ITGAM: variants seen among roughly 807,000 people sequenced by gnomAD.
ITGAM encodes integrin subunit alpha M.
In ITGAM, 79 loss-of-function variants were observed where a neutral mutation model predicts 137.5. The observed-to-expected ratio is 0.57, with a 90% CI of 0.48 to 0.69. ITGAM has a LOEUF of 0.69. Among genes scored for constraint, ITGAM ranks in the 30% least tolerant of loss-of-function variants. The pLI is 0.00. For missense variants in ITGAM, 1,343 were observed against 1,483.5 expected, an observed-to-expected ratio of 0.91 and a Z score of 1.56; for synonymous variants, 583 against 592.3, an observed-to-expected ratio of 0.98 and a Z score of 0.23.
At chr16:31,328,854 G>C (rs540594931) in intron 23 of ITGAM, 1 of 386,368 alleles carries the variant, frequency 2.6e-6, no homozygotes, top group South Asian at 2.5e-5. Flanking sequence ...GTGCATGTGT[G>C]TGAGGGTCTA....
chr16:31,332,001 G>C lies in ITGAM; in HGVS notation c.*294G>C. 2.2e-6 allele frequency: 1 copy of C among 457,998 alleles called. No individual in the cohort carries two copies. Among genetic ancestry groups the C allele is most frequent in the Non-Finnish European group, 3.9e-6 (1 of 255,000 alleles). 28.4% of individuals were successfully genotyped at this position (457,998 alleles called of 1,614,324 possible). ...CGTGTGTCCATGTGTGTGCAAGTGT[G>C]TGCATGTGTGCGAGTGTGTGCATGT... On this transcript the variant is annotated 3_prime_UTR_variant, in exon 30 of 30. Coordinates refer to ENST00000544665, the MANE Select transcript of ITGAM (RefSeq NM_000632.4).
rs1336565805 is a variant in ITGAM, at chr16:31,325,472, C to T, written c.2506-28C>T. On this transcript the variant is annotated intron_variant, in intron 20 of 29. Transcript: ENST00000544665. ...CATCCTCACGGCCGGAGGTGGATAT[C>T]ACCGCCTTTGCCTCCCCTGCCTTCC... is the stretch of plus-strand genomic sequence containing the variant. 6.2e-6 allele frequency: 10 copies of T among 1,613,498 alleles called. No individual in the cohort carries two copies. The South Asian group carries it at 1.1e-4, about 18-fold the overall frequency.
At chr16:31,288,691 A>T (rs533370945) in intron 12 of ITGAM, among the ~76,000 whole-genome samples, 1 of 152,344 alleles carries the variant, frequency 6.6e-6, no homozygotes, top group South Asian at 2.1e-4. Flanking sequence ...TCAGGACATA[A>T]GCATGGTCAA....
chr16:31,329,734 G>A (rs754999555), intron 24 of ITGAM, 64 bp from the exon 25 acceptor site: 224 of 1,409,754 alleles, frequency 1.6e-4, no homozygotes, highest in Non-Finnish European at 6.9e-5. Context: ...GGGGAGGGGA[G>A]GCTGATTCTC....
intron 14 of ITGAM, among the ~76,000 whole-genome samples, chr16:31,302,510 CT>C (rs1266389153): frequency 8.2e-4 from 83 of 101,718 alleles, no homozygotes; most frequent in Admixed American, 4.5e-3. Flanking sequence ...TTCTTTCTTT[CT>C]TTTTTTTCTT....
At chr16:31,306,840 GT>G (rs1247619857) in intron 14 of ITGAM, among the ~76,000 whole-genome samples, 1 of 152,112 alleles carries the variant, frequency 6.6e-6, no homozygotes, top group East Asian at 1.9e-4. Context: ...TTTAAATCAT[GT>G]TTAACAGAGA....
intron 8 of ITGAM, among the ~76,000 whole-genome samples, chr16:31,274,452 C>T (rs781137868): frequency 5.3e-5 from 8 of 152,112 alleles, no homozygotes; most frequent in African/African-American, 7.2e-5. Context: ...TCATCATGAG[C>T]GACTGCGAGG....
At chr16:31,320,207 A>G (rs1405446469) in intron 14 of ITGAM, among the ~76,000 whole-genome samples, 1 of 152,172 alleles carries the variant, frequency 6.6e-6, no homozygotes, top group African/African-American at 2.4e-5. Context: ...TTTTAAGCTG[A>G]TAACAACTGA....
intron 8 of ITGAM, among the ~76,000 whole-genome samples, chr16:31,274,400 G>C (rs568063128): frequency 6.6e-6 from 1 of 152,130 alleles, no homozygotes; most frequent in Admixed American, 6.5e-5. Context: ...GCAAGGCAGA[G>C]TCTTTGATAC....
intron 8 of ITGAM, among the ~76,000 whole-genome samples, chr16:31,274,598 TTTTATTTATTTATA>T (rs1423531548): frequency 3.0e-5 from 4 of 134,920 alleles, no homozygotes; most frequent in Non-Finnish European, 6.0e-5. Context: ...TATTTGTTTA[TTTTATTTATTTATA>T]TTTATTTATT....
intron 12 of ITGAM, among the ~76,000 whole-genome samples, chr16:31,285,649 A>T (rs749199619): frequency 2.0e-5 from 3 of 152,016 alleles, no homozygotes; most frequent in Non-Finnish European, 4.4e-5. Flanking sequence ...TTAAAAAAAA[A>T]ATTTCAAGTT....
At chr16:31,275,314 G>A (rs758803354) in intron 8 of ITGAM, among the ~76,000 whole-genome samples, 3 of 152,200 alleles carry the variant, frequency 2.0e-5, no homozygotes, top group African/African-American at 4.8e-5. Context: ...ACCAGGAGAC[G>A]TGGCACAGCA....
intron 14 of ITGAM, among the ~76,000 whole-genome samples, chr16:31,317,303 G>A (rs1405383468): frequency 6.6e-6 from 1 of 152,098 alleles, no homozygotes; most frequent in African/African-American, 2.4e-5. Flanking sequence ...TTTTAATCAT[G>A]AGTGGCTATT....
At position 31,270,742 on chromosome 16, in the gene ITGAM, T is replaced by TATATATATA. The variant is rs1343169219; in HGVS notation, c.428-210_428-209insATATATAAT. ...ATATATATATATATATATATATATA[T>TATATATATA]ATGTTTTTAACGTGTGTATACATAT... On this transcript the variant is annotated intron_variant, in intron 5 of 29. Transcript: ENST00000544665. Among the ~76,000 whole-genome samples, 233 of 109,850 alleles carry TATATATATA rather than the reference T, an allele frequency of 2.1e-3. 12 individuals carry two copies. The highest frequency in any genetic ancestry group is 8.8e-3 in the African/African-American group (223 of 25,202). 72.1% of individuals were successfully genotyped at this position (109,850 alleles called of 152,430 possible).
chr16:31,310,609 A>C (rs1460499910), intron 14 of ITGAM, among the ~76,000 whole-genome samples: 2 of 151,960 alleles, frequency 1.3e-5, no homozygotes, highest in Non-Finnish European at 2.9e-5. Flanking sequence ...ATTTTTTTTC[A>C]AAGTTTTTAA....
At chr16:31,295,072 A>G (rs564671648) in intron 12 of ITGAM, among the ~76,000 whole-genome samples, 92 of 152,018 alleles carry the variant, frequency 6.1e-4, no homozygotes, top group African/African-American at 2.2e-3. Context: ...GTTCTGTTCC[A>G]TTGGTTGATG....
chr16:31,270,715 A>ACCAC (rs2079825181), intron 5 of ITGAM, among the ~76,000 whole-genome samples: 1 of 100,296 alleles, frequency 1.0e-5, no homozygotes, highest in Non-Finnish European at 2.0e-5. Context: ...ATATATATAT[A>ACCAC]TATATATATA....
chr16:31,315,492 C>T (rs2080381498), intron 14 of ITGAM, among the ~76,000 whole-genome samples: 1 of 151,990 alleles, frequency 6.6e-6, no homozygotes, highest in Admixed American at 6.6e-5. Flanking sequence ...GAGTCTCTCT[C>T]TATTGCCCAG....
intron 28 of ITGAM, 56 bp downstream of exon 28, chr16:31,330,661 G>C: frequency 8.0e-7 from 1 of 1,255,284 alleles, no homozygotes. Flanking sequence ...CGCTTGTGGA[G>C]ATTTCTGGGG....
Sources: allele counts gnomAD v4.1 joint callset (sites outside exome capture counted in the v4.1 genomes callset), GRCh38; gene constraint gnomAD v4.1.1; transcripts MANE v1.5; gene names NCBI Gene and HGNC (gene_info 2026-07-23, HGNC 2026-07-21).